Variants in ABTB3 observed in about 807,000 individuals in gnomAD.
The protein encoded by ABTB3 is ankyrin repeat and BTB domain containing 3, also known as ankyrin repeat- and BTB/POZ domain-containing protein 3.
chr12:107,635,371 G>A, the ABTB3 span: 1 of 1,613,902 alleles, frequency 6.2e-7, no homozygotes, highest in Non-Finnish European at 8.5e-7. Context: ...AAATCAAACG[G>A]AAACAGACCT....
At chr12:107,518,649 T>C in the ABTB3 span, among the ~76,000 whole-genome samples, 1 of 151,898 alleles carries the variant, frequency 6.6e-6, no homozygotes, top group Non-Finnish European at 1.5e-5. Context: ...ATATACCTAA[T>C]GTAAATGACG....
At chr12:107,443,673 C>T in the ABTB3 span, among the ~76,000 whole-genome samples, 1 of 152,170 alleles carries the variant, frequency 6.6e-6, no homozygotes, top group Non-Finnish European at 1.5e-5. Flanking sequence ...TGGCTTTTCT[C>T]TCTGAGCGTC....
the ABTB3 span, among the ~76,000 whole-genome samples, chr12:107,330,643 C>T: frequency 1.4e-4 from 21 of 152,290 alleles, no homozygotes; most frequent in African/African-American, 4.1e-4. Context: ...ACCGGTATCC[C>T]AGGTTTCTGG....
At chr12:107,635,475 A>G in the ABTB3 span, 1 of 1,331,926 alleles carries the variant, frequency 7.5e-7, no homozygotes. Context: ...GAATGCCAGG[A>G]GGGAGGGGGT....
the ABTB3 span, among the ~76,000 whole-genome samples, chr12:107,604,996 C>T: frequency 3.9e-5 from 6 of 152,126 alleles, no homozygotes; most frequent in Admixed American, 2.0e-4. Context: ...CATTATGTTA[C>T]GTGAAATAAT....
chr12:107,500,211 G>T, the ABTB3 span, among the ~76,000 whole-genome samples: 1 of 152,290 alleles, frequency 6.6e-6, no homozygotes, highest in Admixed American at 6.5e-5. Context: ...CTGAGGCCTG[G>T]CTCCTCTGCT....
At chr12:107,476,017 C>A in the ABTB3 span, among the ~76,000 whole-genome samples, 2 of 152,218 alleles carry the variant, frequency 1.3e-5, no homozygotes, top group African/African-American at 4.8e-5. Flanking sequence ...GTGGATCACA[C>A]TTCCATAGAA....
chr12:107,388,503 T>C, the ABTB3 span, among the ~76,000 whole-genome samples: 67 of 150,298 alleles, frequency 4.5e-4, 1 homozygote, highest in Admixed American at 3.0e-3. Flanking sequence ...CATCTTCTTC[T>C]CCCCTCTTCC....
At chr12:107,415,376 A>C in the ABTB3 span, among the ~76,000 whole-genome samples, 1 of 152,278 alleles carries the variant, frequency 6.6e-6, no homozygotes, top group Non-Finnish European at 1.5e-5. Context: ...AACAGTGCCC[A>C]CTACAGAGGA....
At chr12:107,403,176 C>T in the ABTB3 span, among the ~76,000 whole-genome samples, 1 of 152,214 alleles carries the variant, frequency 6.6e-6, no homozygotes, top group East Asian at 1.9e-4. Context: ...TCCTGGCTCC[C>T]TGTGAAGTGG....
chr12:107,606,767 A>T, the ABTB3 span, among the ~76,000 whole-genome samples: 1 of 152,196 alleles, frequency 6.6e-6, no homozygotes. Context: ...ATGTGAGAAG[A>T]AAGATTTTCT....
chr12:107,606,727 AAGG>A, the ABTB3 span, among the ~76,000 whole-genome samples: 6 of 152,170 alleles, frequency 3.9e-5, no homozygotes, highest in Non-Finnish European at 8.8e-5. Context: ...TGCTTTCACA[AAGG>A]AGCCTCTTCC....
At chr12:107,383,446 G>A in the ABTB3 span, among the ~76,000 whole-genome samples, 2 of 152,230 alleles carry the variant, frequency 1.3e-5, no homozygotes, top group Admixed American at 1.3e-4. Context: ...ACCCTGGGTA[G>A]ATTCCTTAAC....
the ABTB3 span, among the ~76,000 whole-genome samples, chr12:107,644,776 G>C: frequency 6.6e-6 from 1 of 151,954 alleles, no homozygotes; most frequent in African/African-American, 2.4e-5. Flanking sequence ...TCCCTTCTTT[G>C]TGTCCATGTG....
At chr12:107,431,477 C>T in the ABTB3 span, among the ~76,000 whole-genome samples, 16 of 152,148 alleles carry the variant, frequency 1.1e-4, no homozygotes, top group Admixed American at 9.2e-4. Context: ...GGCGTGGTGG[C>T]GCATGTCTGT....
chr12:107,544,238 A>G, the ABTB3 span: 52 of 1,279,940 alleles, frequency 4.1e-5, 1 homozygote, highest in African/African-American at 7.2e-4. Context: ...GAAAGGACTC[A>G]CTTCCTAAAA....
At chr12:107,520,569 C>T in the ABTB3 span, 4 of 1,614,116 alleles carry the variant, frequency 2.5e-6, no homozygotes, top group Admixed American at 1.7e-5. Flanking sequence ...CCATGTTCAG[C>T]CAGTCGGAGC....
the ABTB3 span, among the ~76,000 whole-genome samples, chr12:107,349,102 T>C: frequency 6.6e-6 from 1 of 152,200 alleles, no homozygotes; most frequent in Non-Finnish European, 1.5e-5. Context: ...TACTCACTCA[T>C]AGCCAAAGAG....
At chr12:107,432,168 A>C in the ABTB3 span, among the ~76,000 whole-genome samples, 1 of 152,130 alleles carries the variant, frequency 6.6e-6, no homozygotes, top group African/African-American at 2.4e-5. Flanking sequence ...CACAACACAG[A>C]GCGTGTATGA....
Sources: allele counts gnomAD v4.1 joint callset (sites outside exome capture counted in the v4.1 genomes callset), GRCh38; gene constraint gnomAD v4.1.1; transcripts MANE v1.5; gene names NCBI Gene and HGNC (gene_info 2026-07-23, HGNC 2026-07-21).